Variants in FHL5 observed in about 807,000 individuals in gnomAD.
FHL5 encodes the protein four and a half LIM domains protein 5.
A neutral mutation model predicts 32.0 loss-of-function variants in FHL5; 33 were observed. The observed-to-expected ratio is 1.03, with a 90% CI of 0.78 to 1.38. The LOEUF is 1.38. Among genes scored for constraint, FHL5 ranks in the 40% most tolerant of loss-of-function variants. The pLI is 0.00. For missense variants in FHL5, 336 were observed against 343.9 expected (o/e 0.98, Z 0.18); for synonymous variants, 114 against 113.6 (o/e 1.00, Z -0.02).
chr6:96,581,184 T>C (rs2127962930), intron 1 of FHL5, among the ~76,000 whole-genome samples: 1 of 152,272 alleles, frequency 6.6e-6, no homozygotes, highest in South Asian at 2.1e-4. Context: ...CCTGAAGCCA[T>C]TGAATTAAAT....
chr6:96,618,453 C>T lies in FHL5; in HGVS notation c.*2681C>T, dbSNP rs6921480. Among the ~76,000 whole-genome samples the T allele has an allele frequency of 7.9e-5, 12 of 152,176 alleles. No individual in the cohort carries two copies. Among genetic ancestry groups the T allele is most frequent in the African/African-American group, 2.9e-4 (12 of 41,508 alleles). ...CTCTTAGGATAAAAAGTGACATAACCGGCCATAGAAAGTTACCAACTGTTC... is the reference window on the plus strand; with the variant it reads ...CTCTTAGGATAAAAAGTGACATAACTGGCCATAGAAAGTTACCAACTGTTC... On this transcript the variant is annotated 3_prime_UTR_variant, in exon 6 of 6. Coordinates refer to ENST00000450218, the MANE Select transcript of FHL5 (RefSeq NM_001322466.2).
chr6:96,611,147 A>C lies in FHL5; in HGVS notation c.691+389A>C, dbSNP rs149892176. ...ATAAATCAAAATCCTGCTTAATTCT[A>C]AAATAGGACCAAGCATCCTTTAGTT... On this transcript the variant is annotated intron_variant, in intron 5 of 5. Transcript: ENST00000450218. 3.0e-4 allele frequency among the ~76,000 whole-genome samples: 45 copies of C among 152,320 alleles called. 1 individual carries two copies. Among genetic ancestry groups the C allele is most frequent in the Non-Finnish European group, 2.5e-4 (17 of 68,022 alleles).
intron 1 of FHL5, among the ~76,000 whole-genome samples, chr6:96,582,141 A>C (rs892128500): frequency 2.6e-5 from 4 of 152,190 alleles, no homozygotes; most frequent in Non-Finnish European, 4.4e-5. Flanking sequence ...TTTAAAATGA[A>C]TAACAGAGCA....
At chr6:96,573,371 T>C (rs1003075256) in intron 1 of FHL5, among the ~76,000 whole-genome samples, 6 of 152,094 alleles carry the variant, frequency 3.9e-5, no homozygotes, top group African/African-American at 1.4e-4. Flanking sequence ...GATTCATGGG[T>C]ATAATTTGCA....
At chr6:96,605,055 T>C in intron 3 of FHL5, 131 bp downstream of exon 3, 3 of 542,524 alleles carry the variant, frequency 5.5e-6, no homozygotes, top group Non-Finnish European at 9.4e-6. Context: ...TCTCTCAATC[T>C]TCTTCCGTGT....
chr6:96,584,874 T>C (rs1328952503), intron 1 of FHL5, among the ~76,000 whole-genome samples: 1 of 152,148 alleles, frequency 6.6e-6, no homozygotes, highest in Non-Finnish European at 1.5e-5. Flanking sequence ...ATTAATAGGA[T>C]GTGGTAACCC....
intron 1 of FHL5, among the ~76,000 whole-genome samples, chr6:96,599,382 C>G (rs572094998): frequency 3.3e-4 from 50 of 151,958 alleles, no homozygotes; most frequent in African/African-American, 1.1e-3. Context: ...TTTAGTAGAG[C>G]AGGGGTTTCT....
intron 1 of FHL5, among the ~76,000 whole-genome samples, chr6:96,574,936 C>T (rs1770554487): frequency 6.6e-6 from 1 of 151,952 alleles, no homozygotes; most frequent in African/African-American, 2.4e-5. Flanking sequence ...TATCCAGAAT[C>T]CAAAAAGCTA....
At chr6:96,595,276 G>A (rs72934907) in intron 1 of FHL5, among the ~76,000 whole-genome samples, 3,771 of 151,470 alleles carry the variant, frequency 0.025, 61 homozygotes, top group Middle Eastern at 0.08. Flanking sequence ...TTTTCTCTTA[G>A]CATTATTTCA....
chr6:96,611,878 C>T (rs573626638), intron 5 of FHL5, among the ~76,000 whole-genome samples: 26 of 152,296 alleles, frequency 1.7e-4, no homozygotes, highest in African/African-American at 3.6e-4. Context: ...CACTGGCTCA[C>T]GGGCTACATC....
intron 1 of FHL5, among the ~76,000 whole-genome samples, chr6:96,565,584 TACTCA>T (rs1429875334): frequency 1.3e-5 from 2 of 152,176 alleles, no homozygotes; most frequent in Non-Finnish European, 2.9e-5. Flanking sequence ...GCCAAAGGAA[TACTCA>T]CCAAATGGAT....
chr6:96,589,527 G>T (rs1223472293), intron 1 of FHL5, among the ~76,000 whole-genome samples: 1 of 151,818 alleles, frequency 6.6e-6, no homozygotes, highest in Non-Finnish European at 1.5e-5. Context: ...TACTTTTATT[G>T]GGTGGTCCAT....
intron 1 of FHL5, among the ~76,000 whole-genome samples, chr6:96,564,618 A>G (rs907845451): frequency 4.6e-5 from 7 of 152,194 alleles, no homozygotes; most frequent in African/African-American, 1.4e-4. Context: ...CTACTATAAT[A>G]TTACAAATAA....
chr6:96,605,848 A>G, intron 3 of FHL5, 54 bp from the exon 4 acceptor site: 2 of 1,497,596 alleles, frequency 1.3e-6, no homozygotes, highest in Non-Finnish European at 1.8e-6. Flanking sequence ...TATTTGCTTA[A>G]AAAATAAAAT....
chr6:96,593,282 C>T (rs572162580), intron 1 of FHL5, among the ~76,000 whole-genome samples: 1 of 152,166 alleles, frequency 6.6e-6, no homozygotes, highest in African/African-American at 2.4e-5. Flanking sequence ...CTTATAACTC[C>T]AAAATCTATG....
rs564331149 is a variant in FHL5 at position 96,598,329 on chromosome 6, T to A, written c.-12-5273T>A. On this transcript the variant is annotated intron_variant, in intron 1 of 5. Coordinates refer to ENST00000450218, the MANE Select transcript of FHL5 (RefSeq NM_001322466.2). Reference sequence around the variant, plus strand: ...ATATTCACCTGCAGATTTTCACATGTGTTTGTAGCCGAGCCAAATCTGCAT... The same window carrying A: ...ATATTCACCTGCAGATTTTCACATGAGTTTGTAGCCGAGCCAAATCTGCAT... 2.6e-5 allele frequency among the ~76,000 whole-genome samples: 4 copies of A among 152,300 alleles called. No individual in the cohort carries two copies. The South Asian group carries it at 6.2e-4, about 24-fold the overall frequency.
At chr6:96,608,102 C>T (rs1418529625) in intron 4 of FHL5, among the ~76,000 whole-genome samples, 2 of 152,262 alleles carry the variant, frequency 1.3e-5, no homozygotes, top group South Asian at 4.1e-4. Context: ...TTTTAGGCTG[C>T]ATTTCTTAAA....
chr6:96,565,527 CT>C lies in FHL5; in HGVS notation c.-13+2174del, dbSNP rs1267759525. On this transcript the variant is annotated intron_variant, in intron 1 of 5. Coordinates refer to ENST00000450218, the MANE Select transcript of FHL5 (RefSeq NM_001322466.2). ...ACCAATGGACCTTAAATTTATCTCA[CT>C]TGATTTTTAGCAAAGCTTTGAGCGA... is the stretch of plus-strand genomic sequence containing the variant. Among the ~76,000 whole-genome samples, 5 of 152,134 alleles carry C rather than the reference CT, an allele frequency of 3.3e-5. No homozygotes were observed. In the South Asian group the frequency reaches 8.3e-4, roughly 25 times the overall value.
chr6:96,578,968 A>G (rs772588906), intron 1 of FHL5, among the ~76,000 whole-genome samples: 75 of 152,328 alleles, frequency 4.9e-4, no homozygotes, highest in Non-Finnish European at 4.6e-4. Context: ...TTTTCTGAAA[A>G]GAGAGACTGG....
Sources: gnomAD v4.1 joint callset for allele counts (sites outside exome capture counted in the v4.1 genomes callset) on GRCh38, gnomAD v4.1.1 for gene constraint, MANE v1.5 for transcripts, NCBI Gene and HGNC (gene_info 2026-07-23, HGNC 2026-07-21) for gene names.